Variants in CCNF observed in about 807,000 individuals in gnomAD.
CCNF encodes cyclin-F.
In CCNF, 30 loss-of-function variants were observed where a neutral mutation model predicts 85.4. That is an observed-to-expected ratio of 0.35 (90% CI 0.26 to 0.48). CCNF has a LOEUF of 0.48. Among genes scored for constraint, CCNF ranks in the 20% least tolerant of loss-of-function variants. The pLI is 0.99. For missense variants in CCNF, 919 were observed against 1,010.4 expected, an observed-to-expected ratio of 0.91 and a Z score of 1.23; for synonymous variants, 439 against 425.1, an observed-to-expected ratio of 1.03 and a Z score of -0.40.
At chr16:2,449,138 C>T (rs761971205) in intron 11 of CCNF, 144 bp from the exon 12 acceptor site, 638 of 1,421,970 alleles carry the variant, frequency 4.5e-4, no homozygotes, top group Middle Eastern at 2.5e-3. Context: ...ACGGTTGCAC[C>T]ACGTCGCCAT....
At position 2,458,408 on chromosome 16, in the gene CCNF, C is replaced by T. The variant is rs2065443409; in HGVS notation, c.*1388C>T. 6.6e-6 allele frequency: 1 copy of T among 152,178 alleles called. No homozygotes were observed. Among genetic ancestry groups the T allele is most frequent in the Non-Finnish European group, 1.5e-5 (1 of 68,052 alleles). 9.4% of individuals were successfully genotyped at this position (152,178 alleles called of 1,614,324 possible). A position where few individuals can be genotyped will look rare whatever the true frequency, so the allele number is the denominator to read the frequency against. On this transcript the variant is annotated 3_prime_UTR_variant, in exon 17 of 17. Transcript: ENST00000397066. ...CTGGGATTACAAGCACCCAACCACG[C>T]CCAGCTAATTTTTGTATTTTCGGTA...
chr16:2,433,626 C>T (rs536506399), intron 3 of CCNF, among the ~76,000 whole-genome samples: 1 of 152,208 alleles, frequency 6.6e-6, no homozygotes, highest in South Asian at 2.1e-4. Flanking sequence ...CTCGCTCTGT[C>T]ACCAGGCTGG....
intron 12 of CCNF, 46 bp downstream of exon 12, chr16:2,449,508 T>C (rs1296806520): frequency 6.4e-7 from 1 of 1,559,358 alleles, no homozygotes; most frequent in African/African-American, 1.3e-5. Context: ...GGGAAGGTGC[T>C]GACATAGGAG....
At position 2,449,808 on chromosome 16, in the gene CCNF, T is replaced by TCCACCCC. The variant is rs760457965; in HGVS notation, c.1400-20_1400-19insCCACCCC. The stretch of plus-strand genomic sequence containing the variant: ...CCGTCCCCTCCATCCCCTCCACCCC[T>TCCACCCC]GGCCTGCTTTCCTCCCCAGCACAGC... On this transcript the variant is annotated intron_variant, in intron 12 of 16. Transcript: ENST00000397066. The TCCACCCC allele has an allele frequency of 2.8e-5, 8 of 289,028 alleles. No homozygotes were observed. In the Admixed American group the frequency reaches 4.0e-4, roughly 15 times the overall value. The allele number at this position is 289,028 out of a possible 1,614,324, so 17.9% of individuals were successfully genotyped here. A position where few individuals can be genotyped will look rare whatever the true frequency, so the allele number is the denominator to read the frequency against.
In CCNF at chr16:2,448,889, G is replaced by T; in HGVS notation, c.1129G>T (p.Ala377Ser). 1 of 1,613,424 alleles carries T rather than the reference G, an allele frequency of 6.2e-7. No individual in the cohort carries two copies. Among genetic ancestry groups the T allele is most frequent in the Non-Finnish European group, 8.5e-7 (1 of 1,179,300 alleles). ...ISKEILTIRE[A>S]VWLTDNTYKY... Reference sequence around the variant, plus strand: ...TAAAGAGATCCTGACCATCCGGGAGGCCGTATGGCTCACGGACAACACTTA... The same window carrying T: ...TAAAGAGATCCTGACCATCCGGGAGTCCGTATGGCTCACGGACAACACTTA... Residue 377 changes from alanine (A) to serine (S), a missense_variant, in exon 11 of 17, where the codon GCC becomes TCC. This residue lies in a region of CCNF where 410 missense variants were observed against 478.6 expected (regional missense o/e 0.86). Coordinates refer to ENST00000397066, the MANE Select transcript of CCNF (RefSeq NM_001761.3).
chr16:2,430,510 T>C (rs1344230243), intron 1 of CCNF, among the ~76,000 whole-genome samples: 1 of 152,110 alleles, frequency 6.6e-6, no homozygotes, highest in Non-Finnish European at 1.5e-5. Flanking sequence ...TAGGTTTGTG[T>C]TGGGACCTGA....
rs60998614 is a variant in CCNF at position 2,455,399 on chromosome 16, C to T, written c.1720C>T (p.Arg574Trp). The change falls in exon 16 of 17, where the codon CGG becomes TGG. Residue 574 changes from arginine to tryptophan, a missense_variant. Physicochemically the swap from Arg to Trp is moderately radical, Grantham distance 101 (BLOSUM62 -3). Coordinates refer to ENST00000397066, the MANE Select transcript of CCNF (RefSeq NM_001761.3). The part of the protein sequence containing the change: ...SPSGRRTKRK[R>W]ENSLQEDRGS... ...TGGGCTCTCTCCACCTTGCAGGAAG[C>T]GGGAGAACAGCCTCCAGGAAGACAG... 1.1e-5 allele frequency: 18 copies of T among 1,578,348 alleles called. No individual in the cohort carries two copies. The highest frequency in any genetic ancestry group is 3.4e-5 in the South Asian group (3 of 88,600).
At position 2,443,653 on chromosome 16, in the gene CCNF, C is replaced by G; in HGVS notation, c.782C>G (p.Ser261Cys). The change falls in exon 9 of 17, where the codon TCT (serine) becomes TGT (cysteine). Residue 261 changes from serine to cysteine, a missense_variant. Ser to Cys is a moderately radical substitution (Grantham distance 112). Transcript: ENST00000397066. ...AAKGCWEAQL[S>C]LAKACANANQ... ...TGTTTGTCTTTTCTTCCTCAGCTGT[C>G]TTTAGCCAAAGCCTGTGCAAATGCA... 1 of 1,613,360 alleles carries G rather than the reference C, an allele frequency of 6.2e-7. No individual in the cohort carries two copies. The highest frequency in any genetic ancestry group is 8.5e-7 in the Non-Finnish European group (1 of 1,179,368).
In CCNF at chr16:2,450,593, G is replaced by A. The variant is rs573572263; in HGVS notation, c.1487+678G>A. Among the ~76,000 whole-genome samples the A allele has an allele frequency of 9.2e-5, 14 of 151,994 alleles. No homozygotes were observed. In the East Asian group the frequency reaches 2.5e-3, roughly 27 times the overall value. ...CAGCTGCTCCCAACCCAAGCTCATT[G>A]CACAGGCAGCAGAACATACTAGAAA... is the stretch of plus-strand genomic sequence containing the variant. On this transcript the variant is annotated intron_variant, in intron 13 of 16. Transcript: ENST00000397066.
At position 2,449,932 on chromosome 16, in the gene CCNF, C is replaced by T. The variant is rs769587346; in HGVS notation, c.1487+17C>T. 2.0e-5 allele frequency: 31 copies of T among 1,576,354 alleles called. No homozygotes were observed. The East Asian group carries it at 2.9e-4, about 15-fold the overall frequency. ...TAAGAAGTGGTGAGTTTTGGCCGGG[C>T]GCAGAGGCTCATGCCTGTAACCCCA... On this transcript the variant is annotated intron_variant, in intron 13 of 16. Coordinates refer to ENST00000397066, the MANE Select transcript of CCNF (RefSeq NM_001761.3).
At chr16:2,437,458 A>C (rs1596917599) in intron 5 of CCNF, 136 bp downstream of exon 5, 2 of 634,888 alleles carry the variant, frequency 3.2e-6, no homozygotes, top group East Asian at 5.8e-5. Flanking sequence ...CTGAGAGTGC[A>C]GATATGGGGA....
intron 13 of CCNF, among the ~76,000 whole-genome samples, chr16:2,450,642 G>A (rs1382490516): frequency 6.6e-6 from 1 of 152,148 alleles, no homozygotes; most frequent in Non-Finnish European, 1.5e-5. Context: ...TCCCTGACCC[G>A]TGGTAACTTG....
chr16:2,433,935 T>C (rs1350888462), intron 3 of CCNF, among the ~76,000 whole-genome samples: 1 of 152,254 alleles, frequency 6.6e-6, no homozygotes, highest in East Asian at 1.9e-4. Flanking sequence ...GCCGCGGCCA[T>C]GCTTGGGCTG....
In CCNF at chr16:2,458,247, C is replaced by G. The variant is rs1341510472; in HGVS notation, c.*1227C>G. 3.3e-5 allele frequency: 5 copies of G among 150,830 alleles called. No individual in the cohort carries two copies. Among genetic ancestry groups the G allele is most frequent in the Non-Finnish European group, 7.4e-5 (5 of 67,994 alleles). The allele number at this position is 150,830 out of a possible 1,614,324, so 9.3% of individuals were successfully genotyped here. On this transcript the variant is annotated 3_prime_UTR_variant, in exon 17 of 17. Coordinates refer to ENST00000397066, the MANE Select transcript of CCNF (RefSeq NM_001761.3). Reference sequence around the variant, plus strand: ...GAACCACTTGGCCAGAAGTGTCCCCCAGATGCTTTTTTTTTTTTTTTTTTG... The same window carrying G: ...GAACCACTTGGCCAGAAGTGTCCCCGAGATGCTTTTTTTTTTTTTTTTTTG...
In CCNF at chr16:2,453,937, C is replaced by T. The variant is rs1183443249; in HGVS notation, c.1715+400C>T. ...GTCACATCCCCAGCACTTCCCTCGC[C>T]ACCCGTGTGGACCTGTTTACCCGCC... On this transcript the variant is annotated intron_variant, in intron 15 of 16. Transcript: ENST00000397066. This position sits in a 1 kb window ranked among gnomAD's most constrained non-coding sequence, Gnocchi z 5.6. Among the ~76,000 whole-genome samples the T allele has an allele frequency of 1.3e-5, 2 of 152,326 alleles. No homozygotes were observed. The highest frequency in any genetic ancestry group is 6.5e-5 in the Admixed American group (1 of 15,308).
intron 1 of CCNF, 116 bp downstream of exon 1, chr16:2,429,613 C>A: frequency 9.6e-7 from 1 of 1,039,012 alleles, no homozygotes; most frequent in East Asian, 3.4e-5. Flanking sequence ...AGGGCTGGCT[C>A]GAGCTCTTTA....
At position 2,456,805 on chromosome 16, in the gene CCNF, G is replaced by T; in HGVS notation, c.2146G>T (p.Gly716Cys). Residue 716 changes from glycine (G) to cysteine (C), a missense_variant, in exon 17 of 17, where the codon GGT becomes TGT. By Grantham distance (159) the Gly-to-Cys change is radical (BLOSUM62 -3). Transcript: ENST00000397066. This position sits in a 1 kb window ranked among gnomAD's most constrained non-coding sequence, Gnocchi z 4.5. The stretch of plus-strand genomic sequence containing the variant: ...CGCAAGTCCCACAAGCTCCGTGGAC[G>T]GTGGCTTGGGGGCCCTGCCCCAACC... ...STASPTSSVD[G>C]GLGALPQPTS... is the part of the protein sequence containing the mutation. The T allele has an allele frequency of 6.2e-7, 1 of 1,613,898 alleles. No individual in the cohort carries two copies. The highest frequency in any genetic ancestry group is 1.1e-5 in the South Asian group (1 of 91,072).
chr16:2,440,947 G>GCC (rs2065317821), intron 8 of CCNF, among the ~76,000 whole-genome samples: 2 of 152,002 alleles, frequency 1.3e-5, no homozygotes, highest in African/African-American at 4.8e-5. Context: ...AAATTAGCTG[G>GCC]ATGGGCTGGG....
chr16:2,438,162 G>T (rs371389975), intron 6 of CCNF, 39 bp downstream of exon 6: 22 of 1,410,444 alleles, frequency 1.6e-5, no homozygotes, highest in Non-Finnish European at 2.0e-5. Flanking sequence ...CTTTGTGTTC[G>T]ATACATCCCT....
Sources: allele counts gnomAD v4.1 joint callset (sites outside exome capture counted in the v4.1 genomes callset), GRCh38; gene constraint gnomAD v4.1.1; regional missense constraint gnomAD v4.1.1; non-coding constraint Gnocchi (gnomAD v3.1); transcripts MANE v1.5; gene names NCBI Gene and HGNC (gene_info 2026-07-23, HGNC 2026-07-21).